The following VAV1 variants were observed in gnomAD, a reference collection of about 807,000 sequenced individuals.
The protein encoded by VAV1 is proto-oncogene vav.
Under a neutral mutation model 128.1 loss-of-function variants are expected in VAV1, and 33 were observed. The observed-to-expected ratio is 0.26, with a 90% CI of 0.20 to 0.34. The LOEUF (loss-of-function observed/expected upper bound fraction) is 0.34. Ranked by LOEUF, VAV1 falls within the 10% of genes least tolerant of loss-of-function variation. The pLI, the probability that VAV1 is intolerant of heterozygous loss-of-function variation, is 1.00. For missense variants in VAV1, 715 were observed against 1,093.7 expected (o/e 0.65, Z 4.88); for synonymous variants, 394 against 409.8 (o/e 0.96, Z 0.47).
rs759771157 is a variant in VAV1, at chr19:6,773,010, A to C, written c.203A>C (p.Gln68Pro). Residue 68 changes from glutamine to proline, a missense_variant and splice_region_variant, in exon 1 of 27, where the codon CAG becomes CCG. Transcript: ENST00000602142. Reference sequence around the variant, plus strand: ...GTCAACCTGCGCCCCCAGATGTCCCAGGTGAGCCCTCCGCGGGCAGGTGTG... The same window carrying C: ...GTCAACCTGCGCCCCCAGATGTCCCCGGTGAGCCCTCCGCGGGCAGGTGTG... ...REVNLRPQMS[Q>P]FLCLKNIRTF... The C allele has an allele frequency of 6.2e-7, 1 of 1,614,040 alleles. No individual in the cohort carries two copies. Among genetic ancestry groups the C allele is most frequent in the Non-Finnish European group, 8.5e-7 (1 of 1,179,956 alleles).
Position 6,847,915 on chromosome 19 carries a change from G to A in VAV1, c.2013-83G>A, listed in dbSNP as rs1379143487. On this transcript the variant is annotated intron_variant, in intron 22 of 26. Transcript: ENST00000602142. ...CAACTTAAAAAATCAAAGGGGTTCAGGGGGAAAGGCAACCTCCATATGGCA... is the reference window on the plus strand; with the variant it reads ...CAACTTAAAAAATCAAAGGGGTTCAAGGGGAAAGGCAACCTCCATATGGCA... 3.9e-6 allele frequency: 5 copies of A among 1,297,776 alleles called. No individual in the cohort carries two copies. In the East Asian group the frequency reaches 1.4e-4, roughly 37 times the overall value. The allele number at this position is 1,297,776 out of a possible 1,614,324, so 80.4% of individuals were successfully genotyped here.
chr19:6,830,521 C>A (rs933951064), intron 14 of VAV1, among the ~76,000 whole-genome samples: 1 of 151,830 alleles, frequency 6.6e-6, no homozygotes, highest in Non-Finnish European at 1.5e-5. Flanking sequence ...CTCACTGCAA[C>A]CTCTGGCTCC....
rs769969950 is a variant in VAV1, at chr19:6,850,676, C to T, written c.2136C>T (p.Asn712=). 1.1e-5 allele frequency: 17 copies of T among 1,613,912 alleles called. No homozygotes were observed. The highest frequency in any genetic ancestry group is 2.7e-5 in the African/African-American group (2 of 74,878). ...GGTGACCATCTGGTTCCAGATATAA[C>T]GTCGAGGTCAAGCACATTAAAATCA... ...AAEFAISIKY[N]VEVKHIKIMT... Residue 712 remains asparagine, a synonymous_variant, in exon 24 of 27, where the codon AAC becomes AAT. Coordinates refer to ENST00000602142, the MANE Select transcript of VAV1 (RefSeq NM_005428.4).
chr19:6,838,295 T>TTATCTATCTATCTATC lies in VAV1; in HGVS notation c.1980+1269_1980+1284dup, dbSNP rs57869416. Among the ~76,000 whole-genome samples the TTATCTATCTATCTATC allele has an allele frequency of 8.0e-4, 117 of 145,682 alleles. 1 individual carries two copies. Among genetic ancestry groups the TTATCTATCTATCTATC allele is most frequent in the African/African-American group, 2.5e-3 (98 of 38,836 alleles). ...TATCCATCTATTCGTCATCTACATA[T>TTATCTATCTATCTATC]TATCTATCTATCTATCTATCTATCT... On this transcript the variant is annotated intron_variant, in intron 21 of 26. Transcript: ENST00000602142.
At chr19:6,821,229 G>A (rs576286428) in intron 2 of VAV1, among the ~76,000 whole-genome samples, 3 of 151,992 alleles carry the variant, frequency 2.0e-5, no homozygotes, top group Admixed American at 6.6e-5. Flanking sequence ...GTGAAACCCC[G>A]TCTCTACTAA....
At chr19:6,776,957 A>G (rs1246280339) in intron 1 of VAV1, among the ~76,000 whole-genome samples, 2 of 152,004 alleles carry the variant, frequency 1.3e-5, no homozygotes, top group African/African-American at 4.8e-5. Context: ...GGGTTTCACC[A>G]TATTGGCCAG....
chr19:6,825,283 T>C lies in VAV1; in HGVS notation c.724-20T>C. The C allele has an allele frequency of 6.2e-7, 1 of 1,605,096 alleles. No individual in the cohort carries two copies. The highest frequency in any genetic ancestry group is 8.5e-7 in the Non-Finnish European group (1 of 1,173,856). Reference sequence around the variant, plus strand: ...GAGCCCTGGGCTCTGGTCCCAGCCCTCACCCTTCCCTCCGAGTAGGACCTG... The same window carrying C: ...GAGCCCTGGGCTCTGGTCCCAGCCCCCACCCTTCCCTCCGAGTAGGACCTG... On this transcript the variant is annotated intron_variant, in intron 7 of 26. Transcript: ENST00000602142.
Position 6,826,997 on chromosome 19 carries a change from ACTGATTGT to A in VAV1, c.927+287_927+294del. The A allele has an allele frequency of 2.4e-6, 1 of 422,026 alleles. No homozygotes were observed. Among genetic ancestry groups the A allele is most frequent in the Non-Finnish European group, 4.4e-6 (1 of 227,872 alleles). 26.1% of individuals were successfully genotyped at this position (422,026 alleles called of 1,614,324 possible). ...CCCCAGCCCTGGGCTGAGCCCTAGC[ACTGATTGT>A]ACCCCAAGTCGGGCTGAGCTCCCAC... On this transcript the variant is annotated intron_variant, in intron 9 of 26. Transcript: ENST00000602142. The surrounding 1 kb of genome is among the most constrained non-coding windows in gnomAD (Gnocchi z 4.1).
At chr19:6,838,528 T>C (rs1035356796) in intron 21 of VAV1, among the ~76,000 whole-genome samples, 2 of 152,128 alleles carry the variant, frequency 1.3e-5, no homozygotes, top group African/African-American at 4.8e-5. Context: ...TTATCTATCA[T>C]CTATCTATTC....
At chr19:6,807,109 G>T (rs911633226) in intron 1 of VAV1, among the ~76,000 whole-genome samples, 1 of 152,156 alleles carries the variant, frequency 6.6e-6, no homozygotes, top group Non-Finnish European at 1.5e-5. Flanking sequence ...AGCAGTGACC[G>T]GTTTTGTGGA....
intron 15 of VAV1, among the ~76,000 whole-genome samples, chr19:6,832,558 T>TCGCC (rs1972092795): frequency 1.6e-5 from 2 of 127,198 alleles, no homozygotes; most frequent in Non-Finnish European, 3.1e-5. Context: ...TTCCTCCTCC[T>TCGCC]CTCCTTCCTC....
At position 6,816,088 on chromosome 19, in the gene VAV1, C is replaced by T. The variant is rs553500434; in HGVS notation, c.205-4614C>T. ...AGGCTGGAGTGCAGTGGCGCAATCT[C>T]GGCTCACTGCAAGCTCCGCCTCCTG... On this transcript the variant is annotated intron_variant, in intron 1 of 26. Transcript: ENST00000602142. Among the ~76,000 whole-genome samples, 11 of 149,072 alleles carry T rather than the reference C, an allele frequency of 7.4e-5. No individual in the cohort carries two copies. In the South Asian group the frequency reaches 2.1e-3, roughly 29 times the overall value.
At chr19:6,790,901 T>C (rs1342696355) in intron 1 of VAV1, among the ~76,000 whole-genome samples, 1 of 152,192 alleles carries the variant, frequency 6.6e-6, no homozygotes, top group Non-Finnish European at 1.5e-5. Context: ...TAAACTGACA[T>C]AGCACTGGTG....
chr19:6,778,626 C>T (rs1194660615), intron 1 of VAV1, among the ~76,000 whole-genome samples: 1 of 152,068 alleles, frequency 6.6e-6, no homozygotes, highest in African/African-American at 2.4e-5. Context: ...TCCCAGCTAC[C>T]CGAGAGGCTA....
intron 22 of VAV1, among the ~76,000 whole-genome samples, chr19:6,843,486 T>C (rs993003183): frequency 2.6e-5 from 4 of 152,110 alleles, no homozygotes; most frequent in Non-Finnish European, 4.4e-5. Context: ...TTTGTTTTGT[T>C]TGTTTGTTTG....
Position 6,820,597 on chromosome 19 carries a change from CTTTCA to C in VAV1, c.205-100_205-96del. ...TCAATTTCATGGAAGAGGGTCTGTG[CTTTCA>C]TTTCCCCTCCACACCAGTCCCCAAG... is the stretch of plus-strand genomic sequence containing the variant. On this transcript the variant is annotated intron_variant, in intron 1 of 26. Transcript: ENST00000602142. This position sits in a 1 kb window ranked among gnomAD's most constrained non-coding sequence, Gnocchi z 4.4. The C allele has an allele frequency of 1.2e-6, 1 of 810,870 alleles. No homozygotes were observed. 50.2% of individuals were successfully genotyped at this position (810,870 alleles called of 1,614,324 possible).
chr19:6,847,600 CACTT>C (rs879885184), intron 22 of VAV1, among the ~76,000 whole-genome samples: 14 of 152,142 alleles, frequency 9.2e-5, no homozygotes, highest in South Asian at 8.3e-4. Context: ...TTTTGGCTCT[CACTT>C]ACATTTTGCA....
At chr19:6,798,112 AC>A (rs1273233090) in intron 1 of VAV1, among the ~76,000 whole-genome samples, 2 of 151,838 alleles carry the variant, frequency 1.3e-5, no homozygotes, top group African/African-American at 4.8e-5. Flanking sequence ...CCCTGTCTGT[AC>A]TAAAAATACA....
intron 1 of VAV1, among the ~76,000 whole-genome samples, chr19:6,814,673 T>C (rs963584000): frequency 1.1e-5 from 1 of 93,006 alleles, no homozygotes; most frequent in East Asian, 2.9e-4. Context: ...CCTTCCTTCC[T>C]TTCTTTCTTT....
Sources: gnomAD v4.1 joint callset for allele counts (sites outside exome capture counted in the v4.1 genomes callset) on GRCh38, gnomAD v4.1.1 for gene constraint, Gnocchi (gnomAD v3.1) non-coding constraint, MANE v1.5 for transcripts, NCBI Gene and HGNC (gene_info 2026-07-23, HGNC 2026-07-21) for gene names.